Variants in CHCHD6 observed in about 807,000 individuals in gnomAD.
The protein encoded by CHCHD6 is MICOS complex subunit MIC25.
A neutral mutation model predicts 32.3 loss-of-function variants in CHCHD6; 28 were observed. That is an observed-to-expected ratio of 0.87 (90% CI 0.64 to 1.19). The LOEUF is 1.19. Ranked by LOEUF, CHCHD6 falls within the 50% of genes most tolerant of loss-of-function variation. CHCHD6 has a pLI of 0.00. For missense variants in CHCHD6, 333 were observed against 307.0 expected, an observed-to-expected ratio of 1.08 and a Z score of -0.63; for synonymous variants, 122 against 117.5, an observed-to-expected ratio of 1.04 and a Z score of -0.25.
At chr3:126,821,193 A>G (rs947773761) in intron 4 of CHCHD6, among the ~76,000 whole-genome samples, 2 of 152,194 alleles carry the variant, frequency 1.3e-5, no homozygotes, top group African/African-American at 4.8e-5. Context: ...ATTCTGTTGT[A>G]TAGATAGACC....
chr3:126,935,587 T>A (rs577462848), intron 6 of CHCHD6, among the ~76,000 whole-genome samples: 6 of 152,334 alleles, frequency 3.9e-5, no homozygotes, highest in African/African-American at 1.4e-4. Flanking sequence ...TCCTGCTACA[T>A]CAGCTCAAAA....
chr3:126,757,951 T>C (rs1937024779), intron 4 of CHCHD6, among the ~76,000 whole-genome samples: 1 of 152,220 alleles, frequency 6.6e-6, no homozygotes. Context: ...TGTGGCCCAG[T>C]GCCCTACCAG....
chr3:126,863,857 ACCT>A (rs1406472659), intron 5 of CHCHD6, among the ~76,000 whole-genome samples: 7 of 125,714 alleles, frequency 5.6e-5, no homozygotes, highest in African/African-American at 9.2e-5. Flanking sequence ...CACCATCAAC[ACCT>A]CCTCCTCCTC....
intron 4 of CHCHD6, among the ~76,000 whole-genome samples, chr3:126,770,724 T>G (rs1937528259): frequency 6.6e-6 from 1 of 152,232 alleles, no homozygotes. Flanking sequence ...TGGATTTGGT[T>G]TGCTGGTATT....
intron 5 of CHCHD6, chr3:126,865,795 A>G (rs1576525428): frequency 2.3e-5 from 21 of 927,742 alleles, no homozygotes; most frequent in Non-Finnish European, 2.7e-5. Flanking sequence ...CTTTGCAGAA[A>G]TCCTCTCATA....
At chr3:126,867,056 G>C (rs1182036267) in intron 5 of CHCHD6, among the ~76,000 whole-genome samples, 1 of 152,186 alleles carries the variant, frequency 6.6e-6, no homozygotes, top group Non-Finnish European at 1.5e-5. Context: ...CCCCAGCCTG[G>C]ATTTCATGCC....
chr3:126,780,527 T>A (rs1937884260), intron 4 of CHCHD6: 3 of 192,842 alleles, frequency 1.6e-5, no homozygotes, highest in African/African-American at 7.1e-5. Flanking sequence ...TGTTTAATCT[T>A]CCCCCCTTTT....
chr3:126,795,518 A>G (rs542352231), intron 4 of CHCHD6, among the ~76,000 whole-genome samples: 1 of 152,322 alleles, frequency 6.6e-6, no homozygotes, highest in Admixed American at 6.5e-5. Context: ...TTCCAGGGTA[A>G]TATAACCCAG....
intron 1 of CHCHD6, among the ~76,000 whole-genome samples, chr3:126,723,338 G>A (rs1935395163): frequency 6.6e-6 from 1 of 152,114 alleles, no homozygotes; most frequent in Non-Finnish European, 1.5e-5. Context: ...AGCTGCTCCT[G>A]TCCCCACTTT....
chr3:126,940,213 C>A (rs2078539280), intron 6 of CHCHD6, among the ~76,000 whole-genome samples: 1 of 152,220 alleles, frequency 6.6e-6, no homozygotes, highest in Admixed American at 6.5e-5. Context: ...AATCCAGAAT[C>A]TCTTCCTGCT....
At chr3:126,909,711 T>A (rs72980889) in intron 5 of CHCHD6, among the ~76,000 whole-genome samples, 4,734 of 152,238 alleles carry the variant, frequency 0.031, 164 homozygotes, top group East Asian at 0.16. Context: ...GACTGCAAAT[T>A]TGGGAAACTA....
At position 126,841,912 on chromosome 3, in the gene CHCHD6, TCAAAA is replaced by T. The variant is rs1299643361; in HGVS notation, c.412-10718_412-10714del. ...CTGGGTGAAGGAGCAAGACCTTGCC[TCAAAA>T]CAAAACAAAACAAAACCATTGCTTG... On this transcript the variant is annotated intron_variant, in intron 4 of 7. Coordinates refer to ENST00000290913, the MANE Select transcript of CHCHD6 (RefSeq NM_032343.3). Among the ~76,000 whole-genome samples the T allele has an allele frequency of 3.9e-5, 6 of 152,050 alleles. No homozygotes were observed. In the East Asian group the frequency reaches 9.7e-4, roughly 25 times the overall value.
At chr3:126,919,317 C>CTTTTTTTTTTTTT (rs756862821) in intron 6 of CHCHD6, among the ~76,000 whole-genome samples, 3 of 68,158 alleles carry the variant, frequency 4.4e-5, no homozygotes, top group Non-Finnish European at 6.8e-5. Context: ...TTTCTTTTTT[C>CTTTTTTTTTTTTT]TTTTTTTTTT....
intron 4 of CHCHD6, among the ~76,000 whole-genome samples, chr3:126,759,122 G>T (rs899916010): frequency 1.3e-5 from 2 of 152,274 alleles, no homozygotes; most frequent in South Asian, 4.1e-4. Context: ...ATCTCTCATT[G>T]CCTGTTCATT....
At chr3:126,720,177 C>A (rs539146654) in intron 1 of CHCHD6, among the ~76,000 whole-genome samples, 1 of 152,336 alleles carries the variant, frequency 6.6e-6, no homozygotes, top group East Asian at 1.9e-4. Flanking sequence ...CCACTGCACC[C>A]AGCCAAGAGT....
chr3:126,783,854 G>C (rs921865519), intron 4 of CHCHD6, among the ~76,000 whole-genome samples: 1 of 152,026 alleles, frequency 6.6e-6, no homozygotes, highest in African/African-American at 2.4e-5. Flanking sequence ...GTGGTGGGAG[G>C]GGGGTCTGGT....
intron 1 of CHCHD6, among the ~76,000 whole-genome samples, chr3:126,707,160 G>T (rs1282812440): frequency 6.6e-6 from 1 of 151,946 alleles, no homozygotes; most frequent in Non-Finnish European, 1.5e-5. Context: ...CCAGCTACTT[G>T]GGAGGCTGAG....
chr3:126,950,475 A>G (rs928589220), intron 6 of CHCHD6, among the ~76,000 whole-genome samples: 9 of 152,326 alleles, frequency 5.9e-5, no homozygotes, highest in Admixed American at 5.9e-4. Flanking sequence ...CTTTTGAGAC[A>G]AAGTCTTGCT....
intron 5 of CHCHD6, among the ~76,000 whole-genome samples, chr3:126,881,911 T>TA (rs2077616155): frequency 6.6e-6 from 1 of 152,310 alleles, no homozygotes; most frequent in East Asian, 1.9e-4. Flanking sequence ...CTACTATTTG[T>TA]AAAAAGCATG....
Sources: gnomAD v4.1 joint callset for allele counts (sites outside exome capture counted in the v4.1 genomes callset) on GRCh38, gnomAD v4.1.1 for gene constraint, MANE v1.5 for transcripts, NCBI Gene and HGNC (gene_info 2026-07-23, HGNC 2026-07-21) for gene names.